The following CASC3 variants were observed in gnomAD, a reference collection of about 807,000 sequenced individuals.
CASC3 encodes CASC3 exon junction complex subunit, also known as protein CASC3.
CASC3 carries 30 observed loss-of-function variants against 80.5 expected under a neutral mutation model. The observed-to-expected ratio is 0.37, with a 90% CI of 0.28 to 0.51. The LOEUF (loss-of-function observed/expected upper bound fraction) is 0.51, where lower values mean the gene tolerates loss of function less well. Among genes scored for constraint, CASC3 ranks in the 20% least tolerant of loss-of-function variants. The pLI is 0.94. For missense variants in CASC3, 824 were observed against 922.2 expected, an observed-to-expected ratio of 0.89 and a Z score of 1.38; for synonymous variants, 312 against 333.6, an observed-to-expected ratio of 0.94 and a Z score of 0.70.
chr17:40,147,671 A>G (rs921221594), intron 3 of CASC3, among the ~76,000 whole-genome samples: 1 of 152,196 alleles, frequency 6.6e-6, no homozygotes, highest in East Asian at 1.9e-4. Context: ...AGTCAAAGGA[A>G]TGTGCAGGTT....
chr17:40,169,509 G>C (rs1236463993), intron 12 of CASC3, 63 bp downstream of exon 12: 4 of 1,576,914 alleles, frequency 2.5e-6, no homozygotes, highest in Non-Finnish European at 2.6e-6. Context: ...CTTCTCCCCA[G>C]AGGATTTCCC....
At chr17:40,163,292 G>A (rs911073891) in intron 6 of CASC3, among the ~76,000 whole-genome samples, 189 bp from the exon 7 acceptor site, 2 of 151,902 alleles carry the variant, frequency 1.3e-5, no homozygotes, top group Non-Finnish European at 2.9e-5. Flanking sequence ...GTACTATCGC[G>A]ATCGGCTAAT....
chr17:40,149,991 A>G (rs1272168404), intron 3 of CASC3, among the ~76,000 whole-genome samples: 1 of 152,182 alleles, frequency 6.6e-6, no homozygotes, highest in Non-Finnish European at 1.5e-5. Flanking sequence ...GAGAAGATGT[A>G]GGAACCAGAT....
rs769140329 is a variant in CASC3 at position 40,167,854 on chromosome 17, G to A, written c.1656G>A (p.Gln552=). The A allele has an allele frequency of 6.2e-7, 1 of 1,613,656 alleles. No individual in the cohort carries two copies. Among genetic ancestry groups the A allele is most frequent in the South Asian group, 1.1e-5 (1 of 91,082 alleles). Residue 552 remains glutamine (Q), a synonymous_variant, in exon 10 of 14, where the codon CAG becomes CAA. Coordinates refer to ENST00000264645, the MANE Select transcript of CASC3 (RefSeq NM_007359.5). ...IMEGHYYDPL[Q]FQGPIYTHGD... is the part of the protein sequence containing the mutation. ...TCCCAATGTGATATCTTACAGTGCA[G>A]TTCCAGGGACCAATCTATACCCATG...
rs1382414212 is a variant in CASC3, at chr17:40,161,835, C to T, written c.380C>T (p.Thr127Ile). The T allele has an allele frequency of 6.2e-7, 1 of 1,613,942 alleles. No homozygotes were observed. The highest frequency in any genetic ancestry group is 1.3e-5 in the African/African-American group (1 of 74,906). ...GCTAATGATGCTGTTAATTCTTCAA[C>T]AAAAGAAGAGAAGGGAGAAGAAAAG... ...SEANDAVNSS[T>I]KEEKGEEKPD... The change falls in exon 4 of 14, where the codon ACA becomes ATA. Residue 127 changes from threonine (T) to isoleucine (I), a missense_variant. Around this residue, in one of 3 missense-constraint regions of CASC3, gnomAD observed 201 missense variants for 294.1 expected, o/e 0.68. Coordinates refer to ENST00000264645, the MANE Select transcript of CASC3 (RefSeq NM_007359.5).
intron 7 of CASC3, among the ~76,000 whole-genome samples, chr17:40,164,947 G>C (rs1598430534): frequency 7.0e-6 from 1 of 142,890 alleles, no homozygotes; most frequent in Non-Finnish European, 1.5e-5. Context: ...TTTTGAGACA[G>C]AGTCTCACTG....
chr17:40,141,308 C>T (rs1465983784), intron 2 of CASC3, 74 bp downstream of exon 2: 10 of 1,321,638 alleles, frequency 7.6e-6, no homozygotes, highest in Non-Finnish European at 1.1e-5. Flanking sequence ...TTTCCAACAT[C>T]GACATTCTCA....
intron 7 of CASC3, among the ~76,000 whole-genome samples, chr17:40,165,432 C>T (rs965629477): frequency 7.2e-5 from 11 of 152,136 alleles, no homozygotes; most frequent in African/African-American, 2.7e-4. Context: ...ATCTTGAACT[C>T]CTGGGCTCAA....
chr17:40,166,600 T>A (rs533053966), intron 7 of CASC3, among the ~76,000 whole-genome samples, 197 bp from the exon 8 acceptor site: 1 of 152,386 alleles, frequency 6.6e-6, no homozygotes, highest in African/African-American at 2.4e-5. Context: ...TATTGCTATA[T>A]TAAGATGGCA....
At chr17:40,143,952 A>G (rs1302448657) in intron 3 of CASC3, among the ~76,000 whole-genome samples, 1 of 151,896 alleles carries the variant, frequency 6.6e-6, no homozygotes, top group African/African-American at 2.4e-5. Flanking sequence ...TTGTATATCT[A>G]TATAAAAATA....
chr17:40,156,619 G>A (rs1286297139), intron 3 of CASC3, among the ~76,000 whole-genome samples: 2 of 151,904 alleles, frequency 1.3e-5, no homozygotes, highest in African/African-American at 4.8e-5. Context: ...AACCCGGGAG[G>A]CGGAGCTTGC....
At chr17:40,163,295 C>G (rs112034599) in intron 6 of CASC3, among the ~76,000 whole-genome samples, 186 bp from the exon 7 acceptor site, 49 of 152,026 alleles carry the variant, frequency 3.2e-4, no homozygotes, top group African/African-American at 1.1e-3. Context: ...CTATCGCGAT[C>G]GGCTAATTTT....
Position 40,167,555 on chromosome 17 carries a change from G to C in CASC3, c.1594G>C (p.Glu532Gln). ...ATCCCAGCGGCAAAGACCTGTGCCA[G>C]AGCCCCCCGCCCCTCCAGTGCATAT... ...YSSQRQRPVP[E>Q]PPAPPVHISI... is the part of the protein sequence containing the mutation. The change falls in exon 9 of 14, where the codon GAG becomes CAG. Residue 532 changes from glutamate (E) to glutamine (Q), a missense_variant. By Grantham distance (29) the Glu-to-Gln change is conservative (BLOSUM62 2). Transcript: ENST00000264645. The C allele has an allele frequency of 1.2e-6, 2 of 1,614,058 alleles. No homozygotes were observed. The highest frequency in any genetic ancestry group is 1.7e-6 in the Non-Finnish European group (2 of 1,179,982).
intron 7 of CASC3, among the ~76,000 whole-genome samples, chr17:40,164,787 G>T (rs1598430429): frequency 2.2e-5 from 2 of 90,874 alleles, no homozygotes; most frequent in East Asian, 3.7e-4. Flanking sequence ...ACAGAGACTT[G>T]CTCTGTTGCC....
At chr17:40,140,901 A>C (rs578093163) in intron 1 of CASC3, 122 bp downstream of exon 1, 11 of 793,726 alleles carry the variant, frequency 1.4e-5, no homozygotes, top group Non-Finnish European at 1.9e-5. Flanking sequence ...TTTGTTTTTG[A>C]GAGAAAAGGG....
chr17:40,147,886 C>T (rs1988899764), intron 3 of CASC3, among the ~76,000 whole-genome samples: 1 of 152,070 alleles, frequency 6.6e-6, no homozygotes, highest in African/African-American at 2.4e-5. Context: ...TTTTCCAATT[C>T]TGATTGATGT....
intron 8 of CASC3, 191 bp from the exon 9 acceptor site, chr17:40,167,307 G>T (rs1203354775): frequency 3.3e-5 from 19 of 584,020 alleles, no homozygotes; most frequent in Non-Finnish European, 9.1e-6. Flanking sequence ...TTTTAATTTG[G>T]ATCTCCTAAA....
At chr17:40,156,529 A>T (rs942903750) in intron 3 of CASC3, among the ~76,000 whole-genome samples, 2 of 151,952 alleles carry the variant, frequency 1.3e-5, no homozygotes, top group Non-Finnish European at 2.9e-5. Context: ...TACTGAAAAT[A>T]CAAAAAATAA....
Position 40,171,499 on chromosome 17 carries a change from G to T in CASC3, c.*1094G>T. 1.0e-6 allele frequency: 1 copy of T among 987,852 alleles called. No homozygotes were observed. Among genetic ancestry groups the T allele is most frequent in the African/African-American group, 1.7e-5 (1 of 57,342 alleles). 61.2% of individuals were successfully genotyped at this position (987,852 alleles called of 1,614,324 possible). On this transcript the variant is annotated 3_prime_UTR_variant, in exon 14 of 14. Coordinates refer to ENST00000264645, the MANE Select transcript of CASC3 (RefSeq NM_007359.5). ...AATTGCTCTTCTCCACGTCTTTCCT[G>T]CTACAAGTGTTTTAGATGTTACTAC... is the stretch of plus-strand genomic sequence containing the variant.
Sources: gnomAD v4.1 joint callset for allele counts (sites outside exome capture counted in the v4.1 genomes callset) on GRCh38, gnomAD v4.1.1 for gene constraint, gnomAD v4.1.1 regional missense constraint, MANE v1.5 for transcripts, NCBI Gene and HGNC (gene_info 2026-07-23, HGNC 2026-07-21) for gene names.